GNA14: variants seen among roughly 807,000 people sequenced by gnomAD.
GNA14 encodes guanine nucleotide-binding protein subunit alpha-14.
GNA14 carries 50 observed loss-of-function variants against 42.0 expected under a neutral mutation model. The ratio of observed to expected loss-of-function variants is 1.19; its 90% CI spans 0.95 to 1.51. The LOEUF is 1.51. GNA14 is among the 40% of genes most tolerant of loss of function. The probability of loss-of-function intolerance (pLI) is 0.00; values close to 1 mark genes in which losing one functional copy is unlikely to be tolerated. For missense variants in GNA14, 473 were observed against 446.2 expected (o/e 1.06, Z -0.54); for synonymous variants, 173 against 163.1 (o/e 1.06, Z -0.46).
intron 2 of GNA14, among the ~76,000 whole-genome samples, chr9:77,471,610 TTGCTACATG>T (rs1156842842): frequency 6.6e-6 from 1 of 152,130 alleles, no homozygotes; most frequent in African/African-American, 2.4e-5. Flanking sequence ...GGTGAGGAGC[TTGCTACATG>T]TGTTTGGGGT....
chr9:77,644,863 C>T (rs1346484999), intron 1 of GNA14, among the ~76,000 whole-genome samples: 1 of 152,204 alleles, frequency 6.6e-6, no homozygotes, highest in Non-Finnish European at 1.5e-5. Context: ...CTGACACTTT[C>T]TCCCTATGCT....
chr9:77,464,379 G>A (rs7867524), intron 2 of GNA14, among the ~76,000 whole-genome samples: 24 of 148,714 alleles, frequency 1.6e-4, no homozygotes, highest in Middle Eastern at 3.4e-3. Flanking sequence ...GTGTGTGTGT[G>A]TGTGTGTGTG....
chr9:77,581,258 G>T (rs755814400), intron 1 of GNA14, among the ~76,000 whole-genome samples: 1 of 152,176 alleles, frequency 6.6e-6, no homozygotes, highest in Non-Finnish European at 1.5e-5. Flanking sequence ...CATGAAGCTT[G>T]CTGCCATCTT....
intron 2 of GNA14, among the ~76,000 whole-genome samples, chr9:77,435,697 T>C (rs1001358229): frequency 1.3e-5 from 2 of 152,186 alleles, no homozygotes; most frequent in African/African-American, 4.8e-5. Flanking sequence ...ACATACATTA[T>C]CTCATTTAAT....
At chr9:77,607,483 A>G (rs1823659466) in intron 1 of GNA14, among the ~76,000 whole-genome samples, 1 of 152,160 alleles carries the variant, frequency 6.6e-6, no homozygotes, top group South Asian at 2.1e-4. Context: ...CTAACATTAT[A>G]TGTGTCCTCT....
intron 1 of GNA14, among the ~76,000 whole-genome samples, chr9:77,636,695 T>C (rs1418697715): frequency 6.6e-6 from 1 of 152,144 alleles, no homozygotes; most frequent in Non-Finnish European, 1.5e-5. Context: ...CAACCAGCTC[T>C]CTCAAGAATA....
At chr9:77,543,649 C>G (rs139007944) in intron 1 of GNA14, among the ~76,000 whole-genome samples, 91 of 152,334 alleles carry the variant, frequency 6.0e-4, no homozygotes, top group South Asian at 1.0e-3. Context: ...GGGGATCACT[C>G]ATTTACCTTT....
chr9:77,497,862 C>A (rs1226172888), intron 2 of GNA14, among the ~76,000 whole-genome samples: 1 of 151,552 alleles, frequency 6.6e-6, no homozygotes, highest in African/African-American at 2.4e-5. Flanking sequence ...CATTTGGCAA[C>A]ACGAATTAGC....
At chr9:77,552,126 C>CAAAAAA (rs34493872) in intron 1 of GNA14, among the ~76,000 whole-genome samples, 184 of 83,968 alleles carry the variant, frequency 2.2e-3, no homozygotes, top group East Asian at 3.1e-3. Context: ...AACTCCATCT[C>CAAAAAA]AAAAAAAAAA....
chr9:77,506,226 G>T (rs1466747739), intron 2 of GNA14, among the ~76,000 whole-genome samples: 3 of 151,008 alleles, frequency 2.0e-5, no homozygotes, highest in Non-Finnish European at 2.9e-5. Context: ...AGGTTGCAGT[G>T]GGTTATGATC....
At chr9:77,636,947 G>C (rs1480033850) in intron 1 of GNA14, among the ~76,000 whole-genome samples, 2 of 152,178 alleles carry the variant, frequency 1.3e-5, no homozygotes, top group Admixed American at 1.3e-4. Context: ...GCACTCCTAA[G>C]TCCATTAATA....
intron 2 of GNA14, among the ~76,000 whole-genome samples, chr9:77,512,978 A>G (rs1837194046): frequency 6.6e-6 from 1 of 152,234 alleles, no homozygotes; most frequent in African/African-American, 2.4e-5. Context: ...TCCACTCAAC[A>G]GAAGGTTCTT....
chr9:77,611,023 GAAGT>G (rs1823721258), intron 1 of GNA14, among the ~76,000 whole-genome samples: 3 of 152,130 alleles, frequency 2.0e-5, no homozygotes, highest in African/African-American at 7.2e-5. Flanking sequence ...AGAAAGATAG[GAAGT>G]AAGTAGGTAA....
At chr9:77,535,687 C>A (rs148239072) in intron 1 of GNA14, among the ~76,000 whole-genome samples, 1 of 152,172 alleles carries the variant, frequency 6.6e-6, no homozygotes, top group African/African-American at 2.4e-5. Context: ...AATGCAGATT[C>A]TTGGGCCCCT....
intron 1 of GNA14, among the ~76,000 whole-genome samples, chr9:77,593,309 G>C (rs1297956641): frequency 6.6e-6 from 1 of 150,770 alleles, no homozygotes; most frequent in Non-Finnish European, 1.5e-5. Context: ...TAGTCTGCAT[G>C]ATCAAAATAC....
chr9:77,613,772 C>G (rs558081170), intron 1 of GNA14, among the ~76,000 whole-genome samples: 82 of 152,294 alleles, frequency 5.4e-4, no homozygotes, highest in African/African-American at 1.9e-3. Context: ...TGAACTGATG[C>G]AGGAAAATCC....
chr9:77,464,379 G>GTA (rs1564022442), intron 2 of GNA14, among the ~76,000 whole-genome samples: 16 of 148,632 alleles, frequency 1.1e-4, no homozygotes, highest in African/African-American at 4.1e-4. Flanking sequence ...GTGTGTGTGT[G>GTA]TGTGTGTGTG....
chr9:77,452,549 A>AGTGTGTGT (rs200313599), intron 2 of GNA14, among the ~76,000 whole-genome samples: 4 of 55,154 alleles, frequency 7.3e-5, no homozygotes, highest in Non-Finnish European at 1.3e-4. Context: ...ACTGCACACA[A>AGTGTGTGT]GTGTGTGTGT....
At chr9:77,438,126 G>C (rs1365537855) in intron 2 of GNA14, among the ~76,000 whole-genome samples, 1 of 152,164 alleles carries the variant, frequency 6.6e-6, no homozygotes, top group Non-Finnish European at 1.5e-5. Flanking sequence ...GGAATTTGGA[G>C]AATCTGGCTT....
Sources: gnomAD v4.1 joint callset for allele counts (sites outside exome capture counted in the v4.1 genomes callset) on GRCh38, gnomAD v4.1.1 for gene constraint, MANE v1.5 for transcripts, NCBI Gene and HGNC (gene_info 2026-07-23, HGNC 2026-07-21) for gene names.